Variants in CSMD1 observed in about 807,000 individuals in gnomAD.
CSMD1 encodes the protein CUB and sushi domain-containing protein 1.
A neutral mutation model predicts 417.5 loss-of-function variants in CSMD1; 213 were observed. The ratio of observed to expected loss-of-function variants is 0.51; its 90% CI spans 0.46 to 0.57. The LOEUF (loss-of-function observed/expected upper bound fraction) is 0.57. Among genes scored for constraint, CSMD1 ranks in the 20% least tolerant of loss-of-function variants. The pLI is 0.00. For synonymous variants in CSMD1, 2,862 were observed against 1,736.8 expected (o/e 1.65, Z -16.11); for missense variants, 6,923 against 4,529.7 (o/e 1.53, Z -15.17).
At chr8:4,312,562 C>G (rs143381440) in intron 3 of CSMD1, among the ~76,000 whole-genome samples, 2,069 of 151,260 alleles carry the variant, frequency 0.014, 49 homozygotes, top group African/African-American at 0.048. Flanking sequence ...CACAGTCGTT[C>G]TATTTATGAG....
chr8:4,447,767 A>G (rs1041529472), intron 2 of CSMD1, among the ~76,000 whole-genome samples: 10 of 152,228 alleles, frequency 6.6e-5, no homozygotes, highest in African/African-American at 2.4e-4. Context: ...GCAGTTATGT[A>G]TCAAGTGTTA....
chr8:4,801,082 G>C (rs2117282628), intron 1 of CSMD1, among the ~76,000 whole-genome samples: 1 of 152,260 alleles, frequency 6.6e-6, no homozygotes, highest in East Asian at 1.9e-4. Context: ...GATCTGAAAT[G>C]ATAAATTCAT....
At chr8:3,785,308 C>T (rs1209629103) in intron 5 of CSMD1, among the ~76,000 whole-genome samples, 1 of 152,344 alleles carries the variant, frequency 6.6e-6, no homozygotes, top group East Asian at 1.9e-4. Context: ...GATGAAACTT[C>T]AGGCTGCGGA....
intron 1 of CSMD1, among the ~76,000 whole-genome samples, chr8:4,755,168 G>A (rs1282861344): frequency 6.6e-6 from 1 of 152,078 alleles, no homozygotes; most frequent in African/African-American, 2.4e-5. Context: ...CAAAAGCAAA[G>A]TCATAGGCCA....
chr8:4,789,872 T>G (rs1272125773), intron 1 of CSMD1, among the ~76,000 whole-genome samples: 1 of 152,190 alleles, frequency 6.6e-6, no homozygotes, highest in Admixed American at 6.5e-5. Context: ...ACTCTTTTAT[T>G]TTACAGACTT....
intron 1 of CSMD1, among the ~76,000 whole-genome samples, chr8:4,885,759 T>G (rs1275704638): frequency 6.6e-6 from 1 of 151,868 alleles, no homozygotes; most frequent in Non-Finnish European, 1.5e-5. Context: ...AACAATATTT[T>G]CACTTTCCTG....
intron 8 of CSMD1, among the ~76,000 whole-genome samples, chr8:3,591,060 G>A (rs1163152827): frequency 6.6e-6 from 1 of 152,266 alleles, no homozygotes; most frequent in Admixed American, 6.5e-5. Flanking sequence ...CTTTCTATTG[G>A]CAAGTTACTT....
At chr8:3,037,090 C>A (rs1312881617) in intron 50 of CSMD1, among the ~76,000 whole-genome samples, 1 of 152,198 alleles carries the variant, frequency 6.6e-6, no homozygotes, top group Non-Finnish European at 1.5e-5. Context: ...TCTTCCATTC[C>A]TGAGTTACTT....
chr8:3,503,713 G>C (rs1355081709), intron 10 of CSMD1, among the ~76,000 whole-genome samples: 2 of 152,128 alleles, frequency 1.3e-5, no homozygotes, highest in African/African-American at 2.4e-5. Context: ...CCATCCACTG[G>C]AAAGGATTCC....
chr8:4,608,750 T>C (rs1172475477), intron 2 of CSMD1, among the ~76,000 whole-genome samples: 2 of 152,242 alleles, frequency 1.3e-5, no homozygotes, highest in Non-Finnish European at 2.9e-5. Context: ...TTTTCTTTTA[T>C]GAGTTCATAT....
intron 3 of CSMD1, among the ~76,000 whole-genome samples, chr8:4,287,477 A>G (rs533592889): frequency 2.0e-5 from 3 of 152,250 alleles, no homozygotes; most frequent in African/African-American, 7.2e-5. Context: ...CAAGCCCAGG[A>G]AACTTACTTT....
At chr8:3,330,363 A>G (rs1806812663) in intron 23 of CSMD1, among the ~76,000 whole-genome samples, 1 of 152,244 alleles carries the variant, frequency 6.6e-6, no homozygotes, top group African/African-American at 2.4e-5. Context: ...CATCAGCGAG[A>G]GACTGGATAA....
chr8:3,439,309 A>ATATATATATATTTTTTTTTTT, intron 12 of CSMD1, among the ~76,000 whole-genome samples: 2 of 62,460 alleles, frequency 3.2e-5, no homozygotes, highest in African/African-American at 1.3e-4. Context: ...ATATATATAT[A>ATATATATATATTTTTTTTTTT]TTTTTTTTTT....
intron 8 of CSMD1, among the ~76,000 whole-genome samples, chr8:3,591,316 G>C (rs1800834834): frequency 6.6e-6 from 1 of 152,128 alleles, no homozygotes; most frequent in African/African-American, 2.4e-5. Flanking sequence ...CTCCGTATTT[G>C]ATTTCGGAAG....
chr8:4,514,459 G>A (rs1008085219), intron 2 of CSMD1, among the ~76,000 whole-genome samples: 5 of 152,154 alleles, frequency 3.3e-5, no homozygotes, highest in Admixed American at 1.3e-4. Context: ...GCATTTTTAA[G>A]TAGCATCCTG....
intron 5 of CSMD1, among the ~76,000 whole-genome samples, chr8:3,882,492 T>C (rs1002348868): frequency 6.6e-6 from 1 of 152,202 alleles, no homozygotes; most frequent in Admixed American, 6.5e-5. Context: ...GCAAAACTAT[T>C]AGACTCTCTC....
intron 1 of CSMD1, among the ~76,000 whole-genome samples, chr8:4,811,915 G>A (rs772957302): frequency 1.8e-4 from 27 of 151,934 alleles, no homozygotes; most frequent in Non-Finnish European, 3.2e-4. Flanking sequence ...CTGTTTCTCC[G>A]TATAGAATTT....
At chr8:4,662,443 T>C (rs1282846358) in intron 1 of CSMD1, among the ~76,000 whole-genome samples, 1 of 152,154 alleles carries the variant, frequency 6.6e-6, no homozygotes, top group African/African-American at 2.4e-5. Flanking sequence ...TTAATAACAC[T>C]AATTTCTTTT....
At chr8:4,151,626 TTTG>T (rs921220692) in intron 3 of CSMD1, among the ~76,000 whole-genome samples, 6 of 152,182 alleles carry the variant, frequency 3.9e-5, no homozygotes, top group Non-Finnish European at 7.3e-5. Flanking sequence ...GTAGTTTCAC[TTTG>T]TTATCAAGAA....
Sources: gnomAD v4.1 joint callset for allele counts (sites outside exome capture counted in the v4.1 genomes callset) on GRCh38, gnomAD v4.1.1 for gene constraint, MANE v1.5 for transcripts, NCBI Gene and HGNC (gene_info 2026-07-23, HGNC 2026-07-21) for gene names.